The following WWOX variants were observed in gnomAD, a reference collection of about 807,000 sequenced individuals.
WWOX encodes WW domain containing oxidoreductase.
WWOX carries 69 observed loss-of-function variants against 46.2 expected under a neutral mutation model. The observed-to-expected ratio is 1.49, with a 90% CI of 1.23 to 1.82. The LOEUF is 1.82. Ranked by LOEUF, WWOX falls within the 40% of genes most tolerant of loss-of-function variation. The probability of loss-of-function intolerance (pLI) is 0.00; values close to 1 mark genes in which losing one functional copy is unlikely to be tolerated. For synonymous variants in WWOX, 359 were observed against 202.6 expected (o/e 1.77, Z -6.56); for missense variants, 919 against 542.6 (o/e 1.69, Z -6.89).
At chr16:78,654,147 G>A (rs776598983) in intron 8 of WWOX, among the ~76,000 whole-genome samples, 2 of 152,208 alleles carry the variant, frequency 1.3e-5, no homozygotes, top group African/African-American at 4.8e-5. Flanking sequence ...ATGAGCACAG[G>A]ATTTAGAATC....
At chr16:79,053,245 CA>C (rs1209068536) in intron 8 of WWOX, among the ~76,000 whole-genome samples, 1 of 152,126 alleles carries the variant, frequency 6.6e-6, no homozygotes, top group African/African-American at 2.4e-5. Context: ...TACGTAATTA[CA>C]AAGTCTTTGC....
intron 8 of WWOX, among the ~76,000 whole-genome samples, chr16:78,464,348 A>G (rs74973046): frequency 6.8e-6 from 1 of 146,840 alleles, no homozygotes; most frequent in African/African-American, 2.7e-5. Context: ...GAAGAGAGAG[A>G]AGGAGGAAGA....
intron 8 of WWOX, among the ~76,000 whole-genome samples, chr16:79,155,269 G>A (rs920840909): frequency 1.3e-5 from 2 of 152,070 alleles, no homozygotes; most frequent in East Asian, 1.9e-4. Context: ...CCAGCTACTC[G>A]GGAGGCCGAG....
intron 8 of WWOX, among the ~76,000 whole-genome samples, chr16:78,672,381 A>C (rs184828769): frequency 6.6e-6 from 1 of 152,232 alleles, no homozygotes; most frequent in African/African-American, 2.4e-5. Context: ...ATCAGAAAAT[A>C]CATACATTGA....
intron 8 of WWOX, among the ~76,000 whole-genome samples, chr16:78,668,019 C>G (rs967067335): frequency 6.6e-6 from 1 of 152,154 alleles, no homozygotes; most frequent in Non-Finnish European, 1.5e-5. Flanking sequence ...TGGCTCACAC[C>G]TGTAATCTTA....
At chr16:78,422,665 A>ATG (rs1412178910) in intron 6 of WWOX, among the ~76,000 whole-genome samples, 48 of 54,082 alleles carry the variant, frequency 8.9e-4, no homozygotes, top group Admixed American at 1.1e-3. Flanking sequence ...TTTTACATGT[A>ATG]TATATATATA....
intron 5 of WWOX, among the ~76,000 whole-genome samples, chr16:78,362,834 C>A (rs527766646): frequency 6.6e-6 from 1 of 152,148 alleles, no homozygotes; most frequent in African/African-American, 2.4e-5. Context: ...GAAGGAGATA[C>A]TAGTATTTTG....
At chr16:78,433,622 C>A (rs150063564) in intron 8 of WWOX, among the ~76,000 whole-genome samples, 1 of 151,952 alleles carries the variant, frequency 6.6e-6, no homozygotes, top group African/African-American at 2.4e-5. Flanking sequence ...ACAGTTGGAC[C>A]TAGGATATTA....
chr16:78,926,108 G>C (rs1034253236), intron 8 of WWOX, among the ~76,000 whole-genome samples: 8 of 152,162 alleles, frequency 5.3e-5, no homozygotes, highest in African/African-American at 1.7e-4. Flanking sequence ...AGAACCCTAA[G>C]AAAATACAGC....
Position 78,436,568 on chromosome 16 carries a change from C to T in WWOX, c.1056+3816C>T, listed in dbSNP as rs534203288. On this transcript the variant is annotated intron_variant, in intron 8 of 8. Coordinates refer to ENST00000566780, the MANE Select transcript of WWOX (RefSeq NM_016373.4). Reference sequence around the variant, plus strand: ...TTGGTAGTACTTTTTTAGCCATCAGCGTTCTCTATATTAGGTTGATACAGA... The same window carrying T: ...TTGGTAGTACTTTTTTAGCCATCAGTGTTCTCTATATTAGGTTGATACAGA... Among the ~76,000 whole-genome samples the T allele has an allele frequency of 1.4e-4, 21 of 152,282 alleles. No individual in the cohort carries two copies. In the South Asian group the frequency reaches 1.7e-3, roughly 12 times the overall value.
intron 8 of WWOX, among the ~76,000 whole-genome samples, chr16:78,680,943 T>A (rs921219106): frequency 6.6e-6 from 1 of 151,996 alleles, no homozygotes; most frequent in East Asian, 1.9e-4. Context: ...AGACCCTCTG[T>A]CTACAAAAAA....
intron 8 of WWOX, among the ~76,000 whole-genome samples, chr16:78,465,867 A>G (rs1210138313): frequency 6.6e-6 from 1 of 152,218 alleles, no homozygotes; most frequent in East Asian, 1.9e-4. Context: ...TTAAATTAAA[A>G]GAGACTAACA....
intron 5 of WWOX, among the ~76,000 whole-genome samples, chr16:78,329,059 G>C (rs375356871): frequency 2.3e-4 from 35 of 152,122 alleles, no homozygotes; most frequent in African/African-American, 8.0e-4. Flanking sequence ...CGAGGTTTCA[G>C]CATGTTCGCC....
chr16:78,551,805 C>T (rs1018575853), intron 8 of WWOX: 6 of 152,192 alleles, frequency 3.9e-5, no homozygotes, highest in Non-Finnish European at 5.9e-5. Context: ...CATGATTGCT[C>T]TTCATTTTAC....
chr16:79,012,798 G>A (rs565278530), intron 8 of WWOX, among the ~76,000 whole-genome samples: 1 of 152,228 alleles, frequency 6.6e-6, no homozygotes, highest in Non-Finnish European at 1.5e-5. Flanking sequence ...GCAGCCTTCT[G>A]TTTTCTTCCA....
intron 8 of WWOX, among the ~76,000 whole-genome samples, chr16:78,887,468 A>AACAC (rs78503110): frequency 6.6e-5 from 9 of 135,958 alleles, no homozygotes; most frequent in African/African-American, 2.0e-4. Flanking sequence ...AAGTATATAA[A>AACAC]ACACACACAC....
intron 8 of WWOX, among the ~76,000 whole-genome samples, chr16:78,728,010 A>G (rs990656540): frequency 1.3e-5 from 2 of 151,132 alleles, no homozygotes; most frequent in East Asian, 3.9e-4. Context: ...ACCTATTACA[A>G]GTGAACATAG....
At chr16:78,136,740 G>A (rs182960333) in intron 4 of WWOX, among the ~76,000 whole-genome samples, 42 of 152,284 alleles carry the variant, frequency 2.8e-4, no homozygotes, top group African/African-American at 9.9e-4. Context: ...CTACCTAACT[G>A]AGCAGTAAGA....
intron 8 of WWOX, among the ~76,000 whole-genome samples, chr16:78,672,639 G>A (rs2047494585): frequency 1.3e-5 from 2 of 152,182 alleles, no homozygotes; most frequent in African/African-American, 4.8e-5. Flanking sequence ...CCATTTGCAA[G>A]GAGAATAGCT....
Sources: gnomAD v4.1 joint callset for allele counts (sites outside exome capture counted in the v4.1 genomes callset) on GRCh38, gnomAD v4.1.1 for gene constraint, MANE v1.5 for transcripts, NCBI Gene and HGNC (gene_info 2026-07-23, HGNC 2026-07-21) for gene names.